Variants in CHD5 observed in about 807,000 individuals in gnomAD.
The protein encoded by CHD5 is ATP-dependent chromatin remodeler CHD5.
CHD5 carries 69 observed loss-of-function variants against 230.3 expected under a neutral mutation model. That is an observed-to-expected ratio of 0.30 (90% confidence interval 0.25 to 0.37). The LOEUF is 0.37. Among genes scored for constraint, CHD5 ranks in the 10% least tolerant of loss-of-function variants. The pLI, the probability that CHD5 is intolerant of heterozygous loss-of-function variation, is 1.00. For missense variants in CHD5, 1,827 were observed against 2,622.8 expected, an observed-to-expected ratio of 0.70 and a Z score of 6.63; for synonymous variants, 1,064 against 1,065.9, an observed-to-expected ratio of 1.00 and a Z score of 0.03.
At chr1:6,177,811 T>C (rs537193748) in intron 1 of CHD5, among the ~76,000 whole-genome samples, 1 of 152,040 alleles carries the variant, frequency 6.6e-6, no homozygotes, top group East Asian at 1.9e-4. Flanking sequence ...GCGTGGAGCG[T>C]GGAGTGTTCC....
At chr1:6,148,165 G>A (rs1348178925) in intron 9 of CHD5, among the ~76,000 whole-genome samples, 1 of 152,210 alleles carries the variant, frequency 6.6e-6, no homozygotes, top group Non-Finnish European at 1.5e-5. Flanking sequence ...GCTAAAGGAG[G>A]CACAGCCCAG....
chr1:6,149,133 G>A (rs559992679), intron 8 of CHD5, 58 bp from the exon 9 acceptor site: 73 of 1,465,938 alleles, frequency 5.0e-5, no homozygotes, highest in Non-Finnish European at 6.1e-5. Context: ...CACCAGGCCC[G>A]ACTCCCTCCC....
intron 15 of CHD5, among the ~76,000 whole-genome samples, chr1:6,141,221 T>G (rs923559093): frequency 6.6e-6 from 1 of 150,784 alleles, no homozygotes; most frequent in African/African-American, 2.4e-5. Context: ...AGGCAGAGGT[T>G]GCAGTGAGCT....
intron 3 of CHD5, among the ~76,000 whole-genome samples, chr1:6,158,835 A>G (rs11121357): frequency 0.93 from 139,189 of 148,958 alleles, 65,151 homozygotes; most frequent in East Asian, 1. Context: ...GTGAAACCCC[A>G]TCTCTACTAA....
chr1:6,147,007 C>G, intron 9 of CHD5, 136 bp from the exon 10 acceptor site: 2 of 664,726 alleles, frequency 3.0e-6, no homozygotes, highest in Non-Finnish European at 4.9e-6. Flanking sequence ...ACCACGGTGA[C>G]GCCATGACAT....
chr1:6,111,616 C>T (rs1666291371), intron 36 of CHD5, among the ~76,000 whole-genome samples, 159 bp downstream of exon 36: 1 of 151,732 alleles, frequency 6.6e-6, no homozygotes, highest in Admixed American at 6.6e-5. Context: ...CGGCGGGGAG[C>T]GGGCGACACA....
In CHD5 at chr1:6,121,595, C is replaced by T. The variant is rs898378401; in HGVS notation, c.4700-22G>A. On this transcript the variant is annotated intron_variant, in intron 31 of 41. Transcript: ENST00000262450. This position sits in a 1 kb window ranked among gnomAD's most constrained non-coding sequence, Gnocchi z 4.5. ...TTGTCTGAAAGATCAAGGGAAAGAGCTGAGACAGGTGGGCTCAGACGGGAA... is the reference window on the plus strand; with the variant it reads ...TTGTCTGAAAGATCAAGGGAAAGAGTTGAGACAGGTGGGCTCAGACGGGAA... 2 of 1,592,040 alleles carry T rather than the reference C, an allele frequency of 1.3e-6. No individual in the cohort carries two copies. The highest frequency in any genetic ancestry group is 1.3e-5 in the African/African-American group (1 of 74,484).
In CHD5 at chr1:6,136,618, G is replaced by A. The variant is rs377034180; in HGVS notation, c.2595C>T (p.Ser865=). The change falls in exon 17 of 42, where the codon AGC becomes AGT. Residue 865 remains serine, a synonymous_variant. Coordinates refer to ENST00000262450, the MANE Select transcript of CHD5 (RefSeq NM_015557.3). ...NQSKFFRVLN[S]YKIDYKLLLT... ...GCAGCAGCTTGTAATCAATCTTGTA[G>A]CTGTTTAAGACCCTAAAAAACTGAG... 16 of 1,614,044 alleles carry A rather than the reference G, an allele frequency of 9.9e-6. No homozygotes were observed. The highest frequency in any genetic ancestry group is 3.3e-5 in the Admixed American group (2 of 60,010).
intron 38 of CHD5, among the ~76,000 whole-genome samples, chr1:6,108,899 T>G (rs1666241037): frequency 6.8e-6 from 1 of 146,482 alleles, no homozygotes; most frequent in Non-Finnish European, 1.5e-5. Context: ...GATGGAGGGG[T>G]GGAAGGATGG....
chr1:6,124,389 T>G, intron 30 of CHD5, 128 bp downstream of exon 30: 1 of 1,091,410 alleles, frequency 9.2e-7, no homozygotes, highest in Non-Finnish European at 1.4e-6. Flanking sequence ...CCCTCTGGAG[T>G]GACTCGGACC....
In CHD5 at chr1:6,128,504, G is replaced by T; in HGVS notation, c.3725C>A (p.Pro1242Gln). Reference sequence around the variant, plus strand: ...TGGGCTGGGTTGGCCCCTACCTGGCGGGGTGCTACCGTGCTTCTTCTTTGC... The same window carrying T: ...TGGGCTGGGTTGGCCCCTACCTGGCTGGGTGCTACCGTGCTTCTTCTTTGC... ...ASAKKKHGST[P>Q]PGDNKDVEDS... Residue 1242 changes from proline (P) to glutamine (Q), a missense_variant, in exon 24 of 42, where the codon CCG (proline) becomes CAG (glutamine). By Grantham distance (76) the Pro-to-Gln change is moderately conservative (BLOSUM62 -1). Coordinates refer to ENST00000262450, the MANE Select transcript of CHD5 (RefSeq NM_015557.3). This position sits in a 1 kb window ranked among gnomAD's most constrained non-coding sequence, Gnocchi z 7.8. 6.2e-7 allele frequency: 1 copy of T among 1,612,486 alleles called. No homozygotes were observed. Among genetic ancestry groups the T allele is most frequent in the Non-Finnish European group, 8.5e-7 (1 of 1,178,640 alleles).
chr1:6,133,642 T>C (rs1004046528), intron 20 of CHD5, among the ~76,000 whole-genome samples: 3 of 152,262 alleles, frequency 2.0e-5, no homozygotes, highest in Non-Finnish European at 4.4e-5. Context: ...CACTGGTCCC[T>C]GCACCCATGT....
Position 6,134,139 on chromosome 1 carries a change from T to A in CHD5, c.3133A>T (p.Ile1045Phe). 1 of 1,613,026 alleles carries A rather than the reference T, an allele frequency of 6.2e-7. No homozygotes were observed. The highest frequency in any genetic ancestry group is 8.5e-7 in the Non-Finnish European group (1 of 1,179,868). The change falls in exon 20 of 42, where the codon ATC becomes TTC. Residue 1045 changes from isoleucine to phenylalanine, a missense_variant. Ile to Phe is a conservative substitution (Grantham distance 21). Coordinates refer to ENST00000262450, the MANE Select transcript of CHD5 (RefSeq NM_015557.3). The surrounding 1 kb of genome is among the most constrained non-coding windows in gnomAD (Gnocchi z 6.3). Reference sequence around the variant, plus strand: ...CAGGGGCAGCGCACCTGGGAGAAGATGAGCACACGGTGCCCCTCATCCCGC... The same window carrying A: ...CAGGGGCAGCGCACCTGGGAGAAGAAGAGCACACGGTGCCCCTCATCCCGC... ...KLRDEGHRVL[I>F]FSQMTKMLDL...
intron 1 of CHD5, 138 bp from the exon 2 acceptor site, chr1:6,168,415 A>T: frequency 1.0e-6 from 1 of 1,000,414 alleles, no homozygotes; most frequent in East Asian, 2.6e-5. Flanking sequence ...GCCCTCCCCA[A>T]ACCCAGTGAA....
rs369066923 is a variant in CHD5, at chr1:6,125,554, C to T, written c.4230G>A (p.Pro1410=). The T allele has an allele frequency of 2.8e-5, 45 of 1,599,626 alleles. No individual in the cohort carries two copies. The highest frequency in any genetic ancestry group is 1.7e-5 in the Admixed American group (1 of 58,084). ...LKSDRDKPLP[P]LLARVGGNIE... ...TGTTGCCACCAACTCGGGCGAGAAG[C>T]GGGGGCAGGGGCTTGTCCCTGTCAC... Residue 1410 remains proline (P), a synonymous_variant, in exon 28 of 42, where the codon CCG becomes CCA. Coordinates refer to ENST00000262450, the MANE Select transcript of CHD5 (RefSeq NM_015557.3). The surrounding 1 kb of genome is among the most constrained non-coding windows in gnomAD (Gnocchi z 6.7).
In CHD5 at chr1:6,177,504, G is replaced by A. The variant is rs556271245; in HGVS notation, c.79+2441C>T. Among the ~76,000 whole-genome samples the A allele has an allele frequency of 1.6e-4, 25 of 152,340 alleles. 2 individuals are homozygous for A. The South Asian group carries it at 5.0e-3, about 30-fold the overall frequency. On this transcript the variant is annotated intron_variant, in intron 1 of 41. Coordinates refer to ENST00000262450, the MANE Select transcript of CHD5 (RefSeq NM_015557.3). ...GATCCAGGAGGAAACTGATGACAAC[G>A]TTTCGAGTATGTGAGGTGTGGTGAC...
chr1:6,129,121 T>G lies in CHD5; in HGVS notation c.3388-52A>C. The G allele has an allele frequency of 7.7e-7, 1 of 1,301,426 alleles. No individual in the cohort carries two copies. Among genetic ancestry groups the G allele is most frequent in the Non-Finnish European group, 1.1e-6 (1 of 917,582 alleles). 80.6% of individuals were successfully genotyped at this position (1,301,426 alleles called of 1,614,324 possible). A position where few individuals can be genotyped will look rare whatever the true frequency, so the allele number is the denominator to read the frequency against. On this transcript the variant is annotated intron_variant, in intron 22 of 41. Transcript: ENST00000262450. The surrounding 1 kb of genome is among the most constrained non-coding windows in gnomAD (Gnocchi z 6.8). The stretch of plus-strand genomic sequence containing the variant: ...GTGGCTCACCCAGGGCTCCAGGCAA[T>G]GGAGGAGATCACACCCATGAGCTCA...
In CHD5 at chr1:6,170,525, G is replaced by T. The variant is rs562571922; in HGVS notation, c.80-2248C>A. ...TGGAAGGTGTTTGCACCAGTGGAAG[G>T]TGGGGGCTGCACCACTGTCTTGGTG... is the stretch of plus-strand genomic sequence containing the variant. On this transcript the variant is annotated intron_variant, in intron 1 of 41. Coordinates refer to ENST00000262450, the MANE Select transcript of CHD5 (RefSeq NM_015557.3). Among the ~76,000 whole-genome samples the T allele has an allele frequency of 4.6e-5, 7 of 152,310 alleles. No homozygotes were observed. The East Asian group carries it at 1.2e-3, about 25-fold the overall frequency.
chr1:6,113,341 T>C (rs753109137), intron 33 of CHD5: 2 of 445,556 alleles, frequency 4.5e-6, no homozygotes, highest in Non-Finnish European at 9.0e-6. Context: ...GGAGGGTCGC[T>C]TGAGCCGAGG....
Sources: allele counts gnomAD v4.1 joint callset (sites outside exome capture counted in the v4.1 genomes callset), GRCh38; gene constraint gnomAD v4.1.1; non-coding constraint Gnocchi (gnomAD v3.1); transcripts MANE v1.5; gene names NCBI Gene and HGNC (gene_info 2026-07-23, HGNC 2026-07-21).